Variants in SLC22A25 observed in about 807,000 individuals in gnomAD.
SLC22A25 encodes MGI:2442751, MGI:2385316, MGI:3042283, MGI:3645714, MGI:3605624, MGI:2442750.
In SLC22A25, 44 loss-of-function variants were observed where a neutral mutation model predicts 45.9. That is an observed-to-expected ratio of 0.96 (90% CI 0.75 to 1.23). SLC22A25 has a LOEUF of 1.23. Ranked by LOEUF, SLC22A25 falls within the 50% of genes most tolerant of loss-of-function variation. SLC22A25 has a pLI of 0.00. For synonymous variants in SLC22A25, 283 were observed against 238.6 expected, an observed-to-expected ratio of 1.19 and a Z score of -1.72; for missense variants, 800 against 666.4, an observed-to-expected ratio of 1.20 and a Z score of -2.21.
At chr11:63,183,981 G>A (rs1164604012) in intron 7 of SLC22A25, among the ~76,000 whole-genome samples, 164 bp from the exon 8 acceptor site, 1 of 152,122 alleles carries the variant, frequency 6.6e-6, no homozygotes, top group Non-Finnish European at 1.5e-5. Flanking sequence ...CCAGGAAAAT[G>A]TAAGGGTGAC....
At chr11:63,171,593 A>G (rs1478266871) in intron 9 of SLC22A25, among the ~76,000 whole-genome samples, 1 of 152,164 alleles carries the variant, frequency 6.6e-6, no homozygotes, top group African/African-American at 2.4e-5. Context: ...TAAGAATACA[A>G]CTTACAAGGG....
intron 7 of SLC22A25, among the ~76,000 whole-genome samples, chr11:63,186,025 G>A (rs1360873232): frequency 3.9e-5 from 6 of 151,976 alleles, no homozygotes; most frequent in Non-Finnish European, 8.8e-5. Context: ...TGTCTTTATA[G>A]TAGCATGATT....
intron 9 of SLC22A25, among the ~76,000 whole-genome samples, chr11:63,176,007 C>A (rs1390462338): frequency 6.6e-6 from 1 of 151,946 alleles, no homozygotes; most frequent in East Asian, 1.9e-4. Context: ...CTTTGTCACC[C>A]CCACAAAGAT....
chr11:63,223,605 C>A (rs1186102017), intron 5 of SLC22A25, among the ~76,000 whole-genome samples: 1 of 146,680 alleles, frequency 6.8e-6, no homozygotes, highest in African/African-American at 2.7e-5. Flanking sequence ...TTCTTTTTTT[C>A]ATTTCAAATT....
intron 3 of SLC22A25, among the ~76,000 whole-genome samples, chr11:63,236,960 G>A (rs1429158951): frequency 1.3e-5 from 2 of 152,068 alleles, no homozygotes; most frequent in African/African-American, 4.8e-5. Context: ...TTTTCAAACA[G>A]GCTGAATTCC....
At chr11:63,187,064 T>A (rs2088584123) in intron 7 of SLC22A25, among the ~76,000 whole-genome samples, 2 of 152,196 alleles carry the variant, frequency 1.3e-5, no homozygotes, top group Non-Finnish European at 2.9e-5. Flanking sequence ...TAAAGTAGTT[T>A]TTTCCAATTC....
At position 63,160,958 on chromosome 11, in the gene SLC22A25, C is replaced by T. The variant is rs978448501; in HGVS notation, c.*2866G>A. ...TTCCTCAAAAAAATTAAAAGTAAAG[C>T]TAACATTTGACCCAACAGTTCCACT... On this transcript the variant is annotated 3_prime_UTR_variant, in exon 12 of 12. Transcript: ENST00000306494. 6.6e-6 allele frequency among the ~76,000 whole-genome samples: 1 copy of T among 152,154 alleles called. No homozygotes were observed. Among genetic ancestry groups the T allele is most frequent in the African/African-American group, 2.4e-5 (1 of 41,432 alleles).
chr11:63,193,029 A>G (rs569378282), intron 7 of SLC22A25, among the ~76,000 whole-genome samples: 1 of 152,328 alleles, frequency 6.6e-6, no homozygotes, highest in South Asian at 2.1e-4. Context: ...AATAGAATAT[A>G]CATTCTTCTC....
In SLC22A25 at chr11:63,189,511, G is replaced by T. The variant is rs1565084822; in HGVS notation, c.831-5694C>A. Among the ~76,000 whole-genome samples, 3 of 152,198 alleles carry T rather than the reference G, an allele frequency of 2.0e-5. No homozygotes were observed. In the South Asian group the frequency reaches 6.2e-4, roughly 31 times the overall value. On this transcript the variant is annotated intron_variant, in intron 7 of 11. Coordinates refer to ENST00000306494, the MANE Select transcript of SLC22A25 (RefSeq NM_199352.6). ...GACTCTTTAAACAATTTGCCAGTCT[G>T]TGTCTTTTAATTGGAGCATTTAGCC...
At chr11:63,173,688 A>G (rs912656604) in intron 9 of SLC22A25, among the ~76,000 whole-genome samples, 1 of 152,136 alleles carries the variant, frequency 6.6e-6, no homozygotes, top group Non-Finnish European at 1.5e-5. Flanking sequence ...TAAGTGACCC[A>G]CAACCTACTT....
rs2089862019 is a variant in SLC22A25, at chr11:63,221,941, G to C, written c.507-4206C>G. 2.0e-5 allele frequency among the ~76,000 whole-genome samples: 3 copies of C among 152,048 alleles called. No individual in the cohort carries two copies. In the South Asian group the frequency reaches 6.2e-4, roughly 32 times the overall value. On this transcript the variant is annotated intron_variant, in intron 5 of 11. Coordinates refer to ENST00000306494, the MANE Select transcript of SLC22A25 (RefSeq NM_199352.6). ...CTTTGTTGATGATGAGTTCACTGTAGATGTATGGATTTTTTTCTGGATTCT... is the reference window on the plus strand; with the variant it reads ...CTTTGTTGATGATGAGTTCACTGTACATGTATGGATTTTTTTCTGGATTCT...
intron 7 of SLC22A25, among the ~76,000 whole-genome samples, chr11:63,187,893 G>A (rs1317105305): frequency 6.6e-6 from 1 of 152,218 alleles, no homozygotes; most frequent in Non-Finnish European, 1.5e-5. Context: ...CAGGGATGTA[G>A]CCCACTTGAT....
chr11:63,190,971 C>A (rs1267883426), intron 7 of SLC22A25, among the ~76,000 whole-genome samples: 1 of 152,212 alleles, frequency 6.6e-6, no homozygotes, highest in Non-Finnish European at 1.5e-5. Flanking sequence ...GGGGCTGCCT[C>A]CCAGTTAGGC....
chr11:63,237,153 A>C (rs2090178721), intron 3 of SLC22A25, among the ~76,000 whole-genome samples: 2 of 152,170 alleles, frequency 1.3e-5, no homozygotes, highest in African/African-American at 4.8e-5. Context: ...GCACACATGG[A>C]CATAAACATG....
Position 63,159,919 on chromosome 11 carries a change from C to A in SLC22A25, c.*3905G>T, listed in dbSNP as rs773940653. On this transcript the variant is annotated 3_prime_UTR_variant, in exon 12 of 12. Coordinates refer to ENST00000306494, the MANE Select transcript of SLC22A25 (RefSeq NM_199352.6). ...AGTAAAGAGACTGGCAGCGTTTACT[C>A]CTGTCCTAGAGATTTGTGGAACTTT... is the stretch of plus-strand genomic sequence containing the variant. Among the ~76,000 whole-genome samples, 3 of 152,102 alleles carry A rather than the reference C, an allele frequency of 2.0e-5. No individual in the cohort carries two copies. Among genetic ancestry groups the A allele is most frequent in the Non-Finnish European group, 2.9e-5 (2 of 68,030 alleles).
intron 7 of SLC22A25, among the ~76,000 whole-genome samples, chr11:63,209,896 C>A (rs1434961459): frequency 1.3e-5 from 2 of 152,176 alleles, no homozygotes; most frequent in African/African-American, 4.8e-5. Flanking sequence ...GCCCCAGAGG[C>A]CACCCCTAAC....
At chr11:63,214,076 T>G (rs2134807950) in intron 7 of SLC22A25, among the ~76,000 whole-genome samples, 1 of 152,292 alleles carries the variant, frequency 6.6e-6, no homozygotes, top group East Asian at 1.9e-4. Context: ...TGGTCCATGT[T>G]CCAGTTCAGA....
At chr11:63,202,148 C>T (rs1046949640) in intron 7 of SLC22A25, among the ~76,000 whole-genome samples, 6 of 152,068 alleles carry the variant, frequency 3.9e-5, no homozygotes, top group South Asian at 2.1e-4. Flanking sequence ...CTTCACAGCC[C>T]GCAGACCAGG....
chr11:63,183,333 C>T (rs2088397869), intron 8 of SLC22A25, among the ~76,000 whole-genome samples: 1 of 152,066 alleles, frequency 6.6e-6, no homozygotes, highest in Non-Finnish European at 1.5e-5. Context: ...CTCCCTAATC[C>T]TTCCTTCCTC....
Sources: gnomAD v4.1 joint callset for allele counts (sites outside exome capture counted in the v4.1 genomes callset) on GRCh38, gnomAD v4.1.1 for gene constraint, MANE v1.5 for transcripts, NCBI Gene and HGNC (gene_info 2026-07-23, HGNC 2026-07-21) for gene names.